The following DPF3 variants were observed in gnomAD, a reference collection of about 807,000 sequenced individuals.
The protein encoded by DPF3 is zinc finger protein DPF3.
A neutral mutation model predicts 56.8 loss-of-function variants in DPF3; 18 were observed. The ratio of observed to expected loss-of-function variants is 0.32; its 90% CI spans 0.22 to 0.47. The LOEUF (loss-of-function observed/expected upper bound fraction) is 0.47, where lower values mean the gene tolerates loss of function less well. Ranked by LOEUF, DPF3 falls within the 20% of genes least tolerant of loss-of-function variation. DPF3 has a pLI of 1.00. For synonymous variants in DPF3, 188 were observed against 180.2 expected (o/e 1.04, Z -0.35); for missense variants, 403 against 488.8 (o/e 0.82, Z 1.65).
intron 1 of DPF3, among the ~76,000 whole-genome samples, chr14:72,831,427 A>G (rs752999379): frequency 2.0e-5 from 3 of 152,202 alleles, no homozygotes; most frequent in Non-Finnish European, 2.9e-5. Flanking sequence ...CTAACAATAA[A>G]TTTCTGGGGT....
At chr14:72,720,582 T>C (rs1889128521) in intron 5 of DPF3, among the ~76,000 whole-genome samples, 2 of 152,224 alleles carry the variant, frequency 1.3e-5, no homozygotes, top group Admixed American at 1.3e-4. Flanking sequence ...TTCAGGTGTC[T>C]CTCATCTCCC....
chr14:72,787,895 T>C (rs1366381469), intron 1 of DPF3, among the ~76,000 whole-genome samples: 1 of 152,232 alleles, frequency 6.6e-6, no homozygotes, highest in Non-Finnish European at 1.5e-5. Flanking sequence ...CCATTTGCCA[T>C]GCACACAGCC....
intron 1 of DPF3, among the ~76,000 whole-genome samples, chr14:72,823,793 AG>A (rs1051173543): frequency 2.7e-4 from 41 of 152,326 alleles, no homozygotes; most frequent in African/African-American, 9.4e-4. Context: ...AACAGAGAGT[AG>A]GAAACTCCAT....
At chr14:72,737,119 A>G (rs1398115740) in intron 3 of DPF3, among the ~76,000 whole-genome samples, 1 of 151,278 alleles carries the variant, frequency 6.6e-6, no homozygotes, top group Non-Finnish European at 1.5e-5. Flanking sequence ...ATAAGAAAAA[A>G]CCTCCGAGAC....
At chr14:72,644,557 T>A (rs372425700) in intron 8 of DPF3, among the ~76,000 whole-genome samples, 5 of 152,238 alleles carry the variant, frequency 3.3e-5, no homozygotes, top group East Asian at 3.8e-4. Context: ...CTATTTCCAG[T>A]GACCAGCATC....
rs1282366212 is a variant in DPF3, at chr14:72,616,279, T to C, written c.*3018A>G. ...GTTACCCATGAACTGAAACAAATCA[T>C]AGCCCTCTCTAAAAGTCACCTTTCC... On this transcript the variant is annotated 3_prime_UTR_variant, in exon 11 of 11. Coordinates refer to ENST00000556509, the MANE Select transcript of DPF3 (RefSeq NM_001280542.3). Among the ~76,000 whole-genome samples the C allele has an allele frequency of 6.6e-6, 1 of 152,180 alleles. No homozygotes were observed. Among genetic ancestry groups the C allele is most frequent in the Admixed American group, 6.5e-5 (1 of 15,276 alleles).
intron 6 of DPF3, among the ~76,000 whole-genome samples, chr14:72,707,485 A>G (rs1888454591): frequency 6.6e-6 from 1 of 152,264 alleles, no homozygotes; most frequent in African/African-American, 2.4e-5. Flanking sequence ...AACATCTAAC[A>G]GTAGAACATT....
intron 1 of DPF3, among the ~76,000 whole-genome samples, chr14:72,784,929 C>G (rs1892148743): frequency 4.0e-5 from 6 of 151,684 alleles, no homozygotes; most frequent in African/African-American, 1.5e-4. Flanking sequence ...TACACTCCAG[C>G]CTGGGCAACA....
chr14:72,794,998 C>A (rs1035434997), intron 1 of DPF3, among the ~76,000 whole-genome samples: 4 of 152,066 alleles, frequency 2.6e-5, no homozygotes, highest in African/African-American at 9.7e-5. Context: ...TGTGATTACA[C>A]TGGACTCACC....
chr14:72,641,812 T>C (rs926014837), intron 8 of DPF3, among the ~76,000 whole-genome samples: 15 of 152,236 alleles, frequency 9.9e-5, no homozygotes, highest in African/African-American at 3.1e-4. Flanking sequence ...GACTTGCTTT[T>C]AACAAACACA....
In DPF3 at chr14:72,729,495, G is replaced by A. The variant is rs572743333; in HGVS notation, c.429+2312C>T. 9.2e-5 allele frequency among the ~76,000 whole-genome samples: 14 copies of A among 152,210 alleles called. No individual in the cohort carries two copies. In the South Asian group the frequency reaches 1.5e-3, roughly 16 times the overall value. On this transcript the variant is annotated intron_variant, in intron 4 of 10. Coordinates refer to ENST00000556509, the MANE Select transcript of DPF3 (RefSeq NM_001280542.3). ...AATTTCACTCTCAGATAGCAGGGGC[G>A]GTAGCGGGTTCTGAGCACAGAAATG...
chr14:72,689,658 G>A (rs1285833344), intron 7 of DPF3, among the ~76,000 whole-genome samples: 1 of 152,186 alleles, frequency 6.6e-6, no homozygotes, highest in Non-Finnish European at 1.5e-5. Context: ...GGCAATTAGT[G>A]CTCACAAGAA....
At chr14:72,656,009 C>G (rs1441150226) in intron 8 of DPF3, among the ~76,000 whole-genome samples, 1 of 152,176 alleles carries the variant, frequency 6.6e-6, no homozygotes, top group African/African-American at 2.4e-5. Context: ...TTGTTTTAGG[C>G]ACCAAGGTGT....
chr14:72,741,210 T>A (rs567577814), intron 3 of DPF3, among the ~76,000 whole-genome samples: 3 of 152,276 alleles, frequency 2.0e-5, no homozygotes, highest in African/African-American at 7.2e-5. Flanking sequence ...AGCAGTGCAG[T>A]GTGGAGGTAG....
At chr14:72,761,572 G>A (rs931045879) in intron 2 of DPF3, among the ~76,000 whole-genome samples, 4 of 151,628 alleles carry the variant, frequency 2.6e-5, no homozygotes, top group African/African-American at 9.7e-5. Context: ...GTATTTATGG[G>A]GAAATTATAT....
intron 8 of DPF3, chr14:72,671,043 T>C (rs115552151): frequency 0.012 from 18,454 of 1,510,648 alleles, 292 homozygotes; most frequent in African/African-American, 0.061. Context: ...AATCTAAAGT[T>C]GCCTTTCATT....
At chr14:72,744,439 A>T (rs1237812105) in intron 3 of DPF3, among the ~76,000 whole-genome samples, 1 of 151,600 alleles carries the variant, frequency 6.6e-6, no homozygotes, top group Non-Finnish European at 1.5e-5. Flanking sequence ...ACACCTGGCT[A>T]ATTTTTGTAT....
At chr14:72,683,018 G>C (rs539092483) in intron 7 of DPF3, among the ~76,000 whole-genome samples, 1 of 152,302 alleles carries the variant, frequency 6.6e-6, no homozygotes, top group African/African-American at 2.4e-5. Flanking sequence ...TGGTTTACCT[G>C]GGAACTTGTC....
intron 3 of DPF3, among the ~76,000 whole-genome samples, chr14:72,748,334 A>G (rs1420071984): frequency 1.3e-5 from 2 of 152,198 alleles, no homozygotes; most frequent in Non-Finnish European, 2.9e-5. Context: ...CTTGAGAGAG[A>G]TGATTTAGGG....
Sources: gnomAD v4.1 joint callset for allele counts (sites outside exome capture counted in the v4.1 genomes callset) on GRCh38, gnomAD v4.1.1 for gene constraint, MANE v1.5 for transcripts, NCBI Gene and HGNC (gene_info 2026-07-23, HGNC 2026-07-21) for gene names.